Variants in OSBPL6 observed in about 807,000 individuals in gnomAD.
OSBPL6 encodes the protein oxysterol-binding protein-related protein 6.
Under a neutral mutation model 125.8 loss-of-function variants are expected in OSBPL6, and 49 were observed. That is an observed-to-expected ratio of 0.39 (90% confidence interval 0.31 to 0.49). The LOEUF (loss-of-function observed/expected upper bound fraction) is 0.49, where lower values mean the gene tolerates loss of function less well. Among genes scored for constraint, OSBPL6 ranks in the 20% least tolerant of loss-of-function variants. The probability of loss-of-function intolerance (pLI) is 0.88; values close to 1 mark genes in which losing one functional copy is unlikely to be tolerated. For missense variants in OSBPL6, 986 were observed against 1,135.4 expected, an observed-to-expected ratio of 0.87 and a Z score of 1.89; for synonymous variants, 394 against 391.8, an observed-to-expected ratio of 1.01 and a Z score of -0.07.
chr2:178,380,669 A>G (rs1439200989), intron 15 of OSBPL6, among the ~76,000 whole-genome samples: 1 of 152,124 alleles, frequency 6.6e-6, no homozygotes, highest in African/African-American at 2.4e-5. Context: ...TGATCTAGAA[A>G]TAAATTTTAA....
At chr2:178,330,765 C>A (rs1689127226) in intron 5 of OSBPL6, among the ~76,000 whole-genome samples, 1 of 152,204 alleles carries the variant, frequency 6.6e-6, no homozygotes, top group South Asian at 2.1e-4. Context: ...CTAGAGGGCA[C>A]AGGACCCATT....
At chr2:178,205,712 C>T (rs901366837) in intron 1 of OSBPL6, among the ~76,000 whole-genome samples, 1 of 152,010 alleles carries the variant, frequency 6.6e-6, no homozygotes, top group South Asian at 2.1e-4. Flanking sequence ...TTTAGGTCAG[C>T]GACTTGGACA....
chr2:178,298,528 AT>A (rs1685965260), intron 2 of OSBPL6, among the ~76,000 whole-genome samples: 1 of 152,156 alleles, frequency 6.6e-6, no homozygotes, highest in Admixed American at 6.5e-5. Flanking sequence ...GGTTCAAGCA[AT>A]TCTCCTGCCT....
At chr2:178,328,003 C>T (rs189393047) in intron 4 of OSBPL6, among the ~76,000 whole-genome samples, 18 of 152,300 alleles carry the variant, frequency 1.2e-4, no homozygotes, top group Non-Finnish European at 7.4e-5. Context: ...CATCCTACCC[C>T]AAACAGACAA....
chr2:178,374,880 G>C (rs1693720574), intron 15 of OSBPL6, among the ~76,000 whole-genome samples: 1 of 152,192 alleles, frequency 6.6e-6, no homozygotes, highest in Non-Finnish European at 1.5e-5. Context: ...AAGTGGAAAA[G>C]AGAAAGCAAT....
At chr2:178,360,537 A>T (rs181443142) in intron 12 of OSBPL6, among the ~76,000 whole-genome samples, 2 of 152,324 alleles carry the variant, frequency 1.3e-5, no homozygotes, top group East Asian at 3.9e-4. Context: ...GTATCTTATA[A>T]CATCATACTA....
chr2:178,287,152 A>ATT (rs1559203414), intron 2 of OSBPL6, among the ~76,000 whole-genome samples: 2,947 of 124,448 alleles, frequency 0.024, 85 homozygotes, highest in African/African-American at 0.084. Flanking sequence ...CTTTTTTTAA[A>ATT]AAAAAAAAAA....
rs554842695 is a variant in OSBPL6 at position 178,400,339 on chromosome 2, C to A, written c.*4780C>A. The A allele has an allele frequency of 5.4e-5, 8 of 147,988 alleles. No individual in the cohort carries two copies. The East Asian group carries it at 1.6e-3, about 30-fold the overall frequency. The allele number at this position is 147,988 out of a possible 1,614,324, so 9.2% of individuals were successfully genotyped here. On this transcript the variant is annotated 3_prime_UTR_variant, in exon 25 of 25. Transcript: ENST00000190611. ...GAGTGCTCTGTCACCCAGGCTGGAGCGCAATGGCACAATCTCGGCTCACTG... is the reference window on the plus strand; with the variant it reads ...GAGTGCTCTGTCACCCAGGCTGGAGAGCAATGGCACAATCTCGGCTCACTG...
Position 178,389,033 on chromosome 2 carries a change from T to C in OSBPL6, c.2181T>C (p.Asn727=). 1 of 1,613,968 alleles carries C rather than the reference T, an allele frequency of 6.2e-7. No individual in the cohort carries two copies. Residue 727 remains asparagine, a synonymous_variant, in exon 21 of 25, where the codon AAT becomes AAC. Coordinates refer to ENST00000190611, the MANE Select transcript of OSBPL6 (RefSeq NM_032523.4). The stretch of plus-strand genomic sequence containing the variant: ...GGTATGGAGATTACTATGTGTGGAA[T>C]AAAGTCACCACTTGCATACACAACA... ...LPKYGDYYVW[N]KVTTCIHNIL...
chr2:178,305,278 G>A (rs1488540839), intron 2 of OSBPL6, among the ~76,000 whole-genome samples: 1 of 152,176 alleles, frequency 6.6e-6, no homozygotes, highest in East Asian at 1.9e-4. Context: ...TAGCATAGCT[G>A]TGTTGGAGAC....
intron 24 of OSBPL6, among the ~76,000 whole-genome samples, 165 bp from the exon 25 acceptor site, chr2:178,395,286 T>C (rs866533865): frequency 2.6e-5 from 4 of 152,306 alleles, no homozygotes; most frequent in Middle Eastern, 3.4e-3. Flanking sequence ...CAAAAATGAC[T>C]TCACTTCCAG....
At chr2:178,267,278 C>T (rs1188127845) in intron 1 of OSBPL6, among the ~76,000 whole-genome samples, 1 of 148,216 alleles carries the variant, frequency 6.7e-6, no homozygotes, top group Non-Finnish European at 1.5e-5. Context: ...TGCTTCAACC[C>T]AGGAGGCGGA....
At chr2:178,300,219 T>C (rs1393433113) in intron 2 of OSBPL6, among the ~76,000 whole-genome samples, 2 of 152,202 alleles carry the variant, frequency 1.3e-5, no homozygotes, top group Non-Finnish European at 2.9e-5. Flanking sequence ...GAGATCCCTG[T>C]AGGTCCCAAT....
intron 12 of OSBPL6, among the ~76,000 whole-genome samples, chr2:178,355,627 G>A (rs1691711159): frequency 6.6e-6 from 1 of 152,158 alleles, no homozygotes; most frequent in South Asian, 2.1e-4. Flanking sequence ...TACAGGACCA[G>A]ATGGATTCAT....
chr2:178,247,013 CCCA>C (rs201045409), intron 1 of OSBPL6, among the ~76,000 whole-genome samples: 8,558 of 94,698 alleles, frequency 0.09, 409 homozygotes, highest in African/African-American at 0.26. Context: ...CCTGCCCCTC[CCCA>C]CCCCCCCATG....
intron 12 of OSBPL6, among the ~76,000 whole-genome samples, chr2:178,352,941 A>G (rs1374251507): frequency 1.3e-5 from 2 of 152,194 alleles, no homozygotes; most frequent in African/African-American, 4.8e-5. Context: ...CACTGTTGAT[A>G]CCCAGTCAAA....
chr2:178,277,862 C>T (rs1312026329), intron 1 of OSBPL6, among the ~76,000 whole-genome samples: 1 of 152,150 alleles, frequency 6.6e-6, no homozygotes, highest in East Asian at 1.9e-4. Flanking sequence ...GTTTGTTCTG[C>T]GGCTAGATCC....
intron 3 of OSBPL6, among the ~76,000 whole-genome samples, chr2:178,313,421 T>C (rs1687464656): frequency 6.6e-6 from 1 of 152,168 alleles, no homozygotes; most frequent in Non-Finnish European, 1.5e-5. Flanking sequence ...TAGCATCTGT[T>C]ATGGGTGAAT....
At chr2:178,344,322 C>G (rs140706412) in intron 11 of OSBPL6, 137 of 1,614,016 alleles carry the variant, frequency 8.5e-5, no homozygotes, top group Middle Eastern at 8.2e-4. Flanking sequence ...CAGCACAACT[C>G]GGCGCCGGCA....
Sources: allele counts gnomAD v4.1 joint callset (sites outside exome capture counted in the v4.1 genomes callset), GRCh38; gene constraint gnomAD v4.1.1; transcripts MANE v1.5; gene names NCBI Gene and HGNC (gene_info 2026-07-23, HGNC 2026-07-21).